MYO5A: variants seen among roughly 807,000 people sequenced by gnomAD.
MYO5A encodes unconventional myosin-Va.
Under a neutral mutation model 249.7 loss-of-function variants are expected in MYO5A, and 98 were observed. The observed-to-expected ratio is 0.39, with a 90% CI of 0.33 to 0.46. The LOEUF is 0.46. MYO5A is among the 20% of genes least tolerant of loss of function. The probability of loss-of-function intolerance (pLI) is 0.98; values close to 1 mark genes in which losing one functional copy is unlikely to be tolerated. For synonymous variants in MYO5A, 778 were observed against 810.6 expected (o/e 0.96, Z 0.68); for missense variants, 1,696 against 2,308.8 (o/e 0.73, Z 5.44).
At chr15:52,439,535 G>A (rs1221325359) in intron 1 of MYO5A, among the ~76,000 whole-genome samples, 1 of 152,150 alleles carries the variant, frequency 6.6e-6, no homozygotes, top group Non-Finnish European at 1.5e-5. Context: ...CCCATAGTTT[G>A]TGGGCAGCAC....
chr15:52,389,176 A>C, intron 13 of MYO5A, 62 bp downstream of exon 13: 1 of 1,537,674 alleles, frequency 6.5e-7, no homozygotes, highest in Non-Finnish European at 8.9e-7. Context: ...ATACCTCCTG[A>C]CTATTGGGTT....
At chr15:52,411,750 C>T (rs2414151) in intron 5 of MYO5A, among the ~76,000 whole-genome samples, 71,141 of 151,982 alleles carry the variant, frequency 0.47, 18,415 homozygotes, top group East Asian at 0.85. Flanking sequence ...AATAGTAACA[C>T]AGCCATACAA....
intron 1 of MYO5A, among the ~76,000 whole-genome samples, chr15:52,510,560 G>C (rs1043518326): frequency 1.3e-5 from 2 of 152,194 alleles, no homozygotes; most frequent in African/African-American, 4.8e-5. Flanking sequence ...AATACCACCT[G>C]AGCTCCGTCT....
At chr15:52,415,039 A>G (rs1490810572) in intron 5 of MYO5A, among the ~76,000 whole-genome samples, 2 of 152,042 alleles carry the variant, frequency 1.3e-5, no homozygotes, top group East Asian at 1.9e-4. Flanking sequence ...TGCTCTAGAG[A>G]GCAGCCCTAC....
At chr15:52,425,698 A>G (rs1381588770) in intron 4 of MYO5A, 132 bp downstream of exon 4, 5 of 1,058,288 alleles carry the variant, frequency 4.7e-6, no homozygotes, top group African/African-American at 3.2e-5. Flanking sequence ...CACCTGAGAC[A>G]AACTTGTCAA....
At chr15:52,391,871 T>C (rs2042253262) in intron 12 of MYO5A, 59 bp downstream of exon 12, 5 of 1,551,874 alleles carry the variant, frequency 3.2e-6, no homozygotes, top group South Asian at 1.1e-5. Flanking sequence ...AACCCACTTA[T>C]CTTCTGACCT....
intron 32 of MYO5A, 57 bp downstream of exon 32, chr15:52,340,139 A>T (rs982105529): frequency 2.5e-6 from 4 of 1,584,832 alleles, no homozygotes; most frequent in Non-Finnish European, 3.5e-6. Context: ...TCAAAAAGAA[A>T]CTAGACTGTC....
intron 12 of MYO5A, among the ~76,000 whole-genome samples, chr15:52,389,837 C>T (rs1473018324): frequency 6.6e-6 from 1 of 151,978 alleles, no homozygotes; most frequent in African/African-American, 2.4e-5. Flanking sequence ...ACCTGTAATC[C>T]CAGCTACTCA....
At chr15:52,346,021 C>T (rs1278356110) in intron 30 of MYO5A, among the ~76,000 whole-genome samples, 2 of 152,174 alleles carry the variant, frequency 1.3e-5, no homozygotes, top group Admixed American at 1.3e-4. Context: ...TCACAAATAA[C>T]CATCCTGAAT....
intron 1 of MYO5A, among the ~76,000 whole-genome samples, chr15:52,501,853 G>GAC (rs1165886659): frequency 2.2e-5 from 3 of 134,630 alleles, no homozygotes; most frequent in African/African-American, 8.5e-5. Context: ...CATACACACA[G>GAC]ACACACACAC....
At chr15:52,360,164 T>C in intron 24 of MYO5A, 83 bp from the exon 25 acceptor site, 1 of 904,386 alleles carries the variant, frequency 1.1e-6, no homozygotes, top group East Asian at 2.6e-5. Context: ...TTGACTTGGT[T>C]CTTATCCCTA....
At position 52,375,360 on chromosome 15, in the gene MYO5A, T is replaced by C; in HGVS notation, c.2521A>G (p.Thr841Ala). ...RRRYKIRRAA[T>A]IVLQSYLRGF... is the part of the protein sequence containing the mutation. ...CGCAAGTAAGACTGAAGAACGATAGTGGCAGCTCGTCTAATCTTGTACCTC... is the reference window on the plus strand; with the variant it reads ...CGCAAGTAAGACTGAAGAACGATAGCGGCAGCTCGTCTAATCTTGTACCTC... Residue 841 changes from threonine (T) to alanine (A), a missense_variant, in exon 20 of 42, where the codon ACT (threonine) becomes GCT (alanine). Physicochemically the swap from Thr to Ala is moderately conservative, Grantham distance 58 (BLOSUM62 0). Around this residue, in one of 5 missense-constraint regions of MYO5A, gnomAD observed 412 missense variants for 453.3 expected, o/e 0.91. Transcript: ENST00000399233. The C allele has an allele frequency of 1.2e-6, 2 of 1,614,172 alleles. No individual in the cohort carries two copies. The highest frequency in any genetic ancestry group is 1.7e-6 in the Non-Finnish European group (2 of 1,179,994).
chr15:52,454,314 C>A (rs2076077226), intron 1 of MYO5A, among the ~76,000 whole-genome samples: 1 of 151,996 alleles, frequency 6.6e-6, no homozygotes, highest in Non-Finnish European at 1.5e-5. Context: ...CAAGAAGATA[C>A]AACAATTATT....
chr15:52,418,762 G>C (rs1390938001), intron 4 of MYO5A, among the ~76,000 whole-genome samples: 1 of 149,316 alleles, frequency 6.7e-6, no homozygotes, highest in African/African-American at 2.5e-5. Context: ...GAGACAGAGA[G>C]AGAGAGAGCC....
At chr15:52,460,055 C>T (rs1263851320) in intron 1 of MYO5A, among the ~76,000 whole-genome samples, 2 of 150,636 alleles carry the variant, frequency 1.3e-5, no homozygotes, top group East Asian at 2.0e-4. Flanking sequence ...GACGGGGCGG[C>T]GGGGCAGAGG....
At chr15:52,411,507 C>A (rs1053413568) in intron 5 of MYO5A, among the ~76,000 whole-genome samples, 43 of 150,720 alleles carry the variant, frequency 2.9e-4, no homozygotes, top group African/African-American at 9.8e-4. Context: ...ATTTAGGTAA[C>A]TCGCTTCTAT....
At chr15:52,516,670 C>T (rs891394832) in intron 1 of MYO5A, among the ~76,000 whole-genome samples, 1 of 152,176 alleles carries the variant, frequency 6.6e-6, no homozygotes, top group Non-Finnish European at 1.5e-5. Context: ...GCTCCTTTAG[C>T]ATTGGGCATA....
At chr15:52,528,016 G>A (rs1168562026) in intron 1 of MYO5A, among the ~76,000 whole-genome samples, 1 of 152,158 alleles carries the variant, frequency 6.6e-6, no homozygotes, top group East Asian at 1.9e-4. Context: ...TTCAGAGATC[G>A]CCAGACCCTG....
chr15:52,333,192 A>G (rs1361400457), intron 34 of MYO5A, among the ~76,000 whole-genome samples: 1 of 152,238 alleles, frequency 6.6e-6, no homozygotes, highest in African/African-American at 2.4e-5. Flanking sequence ...ACTTTGTTAT[A>G]GCAGCACAAA....
Sources: allele counts gnomAD v4.1 joint callset (sites outside exome capture counted in the v4.1 genomes callset), GRCh38; gene constraint gnomAD v4.1.1; regional missense constraint gnomAD v4.1.1; transcripts MANE v1.5; gene names NCBI Gene and HGNC (gene_info 2026-07-23, HGNC 2026-07-21).